Variants in DCC observed in about 807,000 individuals in gnomAD.
The protein encoded by DCC is netrin receptor DCC.
Under a neutral mutation model 172.5 loss-of-function variants are expected in DCC, and 58 were observed. That is an observed-to-expected ratio of 0.34 (90% CI 0.27 to 0.42). The LOEUF is 0.42. Among genes scored for constraint, DCC ranks in the 10% least tolerant of loss-of-function variants. DCC has a pLI of 1.00. For synonymous variants in DCC, 709 were observed against 644.5 expected (o/e 1.10, Z -1.52); for missense variants, 1,740 against 1,791.0 (o/e 0.97, Z 0.51).
intron 15 of DCC, among the ~76,000 whole-genome samples, chr18:53,355,017 T>C (rs1204135417): frequency 6.6e-6 from 1 of 152,122 alleles, no homozygotes; most frequent in Non-Finnish European, 1.5e-5. Flanking sequence ...CCCAGCACCA[T>C]TTATTAAATA....
chr18:52,454,477 C>A (rs1185756661), intron 1 of DCC, among the ~76,000 whole-genome samples: 1 of 150,500 alleles, frequency 6.6e-6, no homozygotes, highest in Non-Finnish European at 1.5e-5. Flanking sequence ...CTCCCCAATT[C>A]TGCTTTGAAC....
chr18:53,043,176 A>G (rs546785486), intron 5 of DCC, among the ~76,000 whole-genome samples: 1 of 152,030 alleles, frequency 6.6e-6, no homozygotes, highest in South Asian at 2.1e-4. Flanking sequence ...AAGGACATGG[A>G]TGAAGCTGGA....
At chr18:52,716,876 G>A (rs147532429) in intron 1 of DCC, among the ~76,000 whole-genome samples, 1 of 152,084 alleles carries the variant, frequency 6.6e-6, no homozygotes, top group Non-Finnish European at 1.5e-5. Context: ...CTTTTTGATT[G>A]TTCTTTAAAG....
chr18:53,222,490 T>G (rs2055956374), intron 12 of DCC, among the ~76,000 whole-genome samples: 1 of 148,488 alleles, frequency 6.7e-6, no homozygotes, highest in African/African-American at 2.5e-5. Flanking sequence ...GTTCAAGCAA[T>G]TCTTCTGTCT....
chr18:53,453,772 CT>C (rs2045447458), intron 23 of DCC, among the ~76,000 whole-genome samples: 1 of 152,088 alleles, frequency 6.6e-6, no homozygotes, highest in Admixed American at 6.5e-5. Context: ...GTGGCAGTTT[CT>C]TTAAATATAA....
chr18:52,879,412 C>CCTTTTTTTTTTTTTT (rs2039447955), intron 2 of DCC, among the ~76,000 whole-genome samples: 2 of 62,356 alleles, frequency 3.2e-5, no homozygotes, highest in African/African-American at 1.4e-4. Flanking sequence ...TGTTGTTTGG[C>CCTTTTTTTTTTTTTT]TTTTTTTTTT....
intron 1 of DCC, among the ~76,000 whole-genome samples, chr18:52,620,679 C>T (rs1029743495): frequency 6.7e-6 from 1 of 149,630 alleles, no homozygotes; most frequent in Non-Finnish European, 1.5e-5. Flanking sequence ...GAGTCATATT[C>T]AGTTGTTCCT....
chr18:52,687,250 C>G (rs1191702774), intron 1 of DCC, among the ~76,000 whole-genome samples: 1 of 150,428 alleles, frequency 6.6e-6, no homozygotes, highest in African/African-American at 2.4e-5. Flanking sequence ...TTTTTAAAGG[C>G]TAGGCTAGTC....
chr18:52,814,546 C>T (rs181545432), intron 2 of DCC, among the ~76,000 whole-genome samples: 3 of 152,206 alleles, frequency 2.0e-5, no homozygotes, highest in East Asian at 3.9e-4. Context: ...AAAATGTAGT[C>T]TTGCATACAA....
intron 5 of DCC, among the ~76,000 whole-genome samples, chr18:52,944,641 T>C (rs1598956549): frequency 6.6e-6 from 1 of 152,182 alleles, no homozygotes; most frequent in Admixed American, 6.5e-5. Context: ...CAGGATCACA[T>C]GGGAAATAGG....
intron 1 of DCC, among the ~76,000 whole-genome samples, chr18:52,462,266 C>T (rs560144187): frequency 6.6e-6 from 1 of 152,170 alleles, no homozygotes; most frequent in Non-Finnish European, 1.5e-5. Flanking sequence ...ACCCTGTGAA[C>T]ATTTACACGA....
intron 1 of DCC, among the ~76,000 whole-genome samples, chr18:52,738,953 G>A (rs1341940509): frequency 6.7e-6 from 1 of 150,342 alleles, no homozygotes; most frequent in Non-Finnish European, 1.5e-5. Flanking sequence ...TTGCCATGTT[G>A]CTCAGGCTTG....
rs1463032355 is a variant in DCC at position 52,829,068 on chromosome 18, T to G, written c.412+76694T>G. Among the ~76,000 whole-genome samples, 5 of 152,370 alleles carry G rather than the reference T, an allele frequency of 3.3e-5. No homozygotes were observed. The East Asian group carries it at 9.6e-4, about 29-fold the overall frequency. ...ATACTAGCCTGGCTAGCTGTTATGC[T>G]GTTAATTAGAATTTTAAACAGTATT... On this transcript the variant is annotated intron_variant, in intron 2 of 28. Coordinates refer to ENST00000442544, the MANE Select transcript of DCC (RefSeq NM_005215.4).
intron 7 of DCC, among the ~76,000 whole-genome samples, chr18:53,102,136 C>T (rs1337180520): frequency 2.0e-5 from 3 of 152,010 alleles, no homozygotes; most frequent in Non-Finnish European, 4.4e-5. Flanking sequence ...TGGCATATGA[C>T]CCTGAAACTG....
intron 2 of DCC, among the ~76,000 whole-genome samples, chr18:52,887,888 C>G (rs948898563): frequency 6.6e-6 from 1 of 152,044 alleles, no homozygotes; most frequent in African/African-American, 2.4e-5. Context: ...AAGTAGGAGA[C>G]CTTTCTTATG....
At chr18:52,790,557 C>T (rs1475087053) in intron 2 of DCC, among the ~76,000 whole-genome samples, 1 of 151,998 alleles carries the variant, frequency 6.6e-6, no homozygotes, top group Non-Finnish European at 1.5e-5. Flanking sequence ...TTAACATTTC[C>T]CAGGTTGGAA....
At chr18:53,318,747 G>A (rs1161327935) in intron 13 of DCC, among the ~76,000 whole-genome samples, 89 of 84,710 alleles carry the variant, frequency 1.1e-3, no homozygotes, top group Non-Finnish European at 2.0e-3. Context: ...GCCCTTCTTC[G>A]TTGGGTTTTT....
chr18:52,508,594 G>A (rs2031320336), intron 1 of DCC, among the ~76,000 whole-genome samples: 1 of 152,158 alleles, frequency 6.6e-6, no homozygotes, highest in Non-Finnish European at 1.5e-5. Flanking sequence ...ACACAGCATT[G>A]ACTTTAAAAG....
At chr18:52,546,280 G>T (rs1345087149) in intron 1 of DCC, among the ~76,000 whole-genome samples, 2 of 152,114 alleles carry the variant, frequency 1.3e-5, no homozygotes, top group Admixed American at 1.3e-4. Flanking sequence ...TGTTGATGGG[G>T]ATGTGTGGAT....
Sources: allele counts gnomAD v4.1 joint callset (sites outside exome capture counted in the v4.1 genomes callset), GRCh38; gene constraint gnomAD v4.1.1; transcripts MANE v1.5; gene names NCBI Gene and HGNC (gene_info 2026-07-23, HGNC 2026-07-21).